The following KCNMA1 variants were observed in gnomAD, a reference collection of about 807,000 sequenced individuals.
KCNMA1 encodes Calcium-activated potassium channel subunit alpha-1.
A neutral mutation model predicts 140.0 loss-of-function variants in KCNMA1; 29 were observed. That is an observed-to-expected ratio of 0.21 (90% confidence interval 0.15 to 0.28). The LOEUF (loss-of-function observed/expected upper bound fraction) is 0.28. Among genes scored for constraint, KCNMA1 ranks in the 10% least tolerant of loss-of-function variants. KCNMA1 has a pLI of 1.00. For missense variants in KCNMA1, 880 were observed against 1,602.2 expected (o/e 0.55, Z 7.70); for synonymous variants, 612 against 611.9 (o/e 1.00, Z 0.00).
At chr10:76,947,207 C>T (rs191555162) in intron 22 of KCNMA1, among the ~76,000 whole-genome samples, 1 of 151,828 alleles carries the variant, frequency 6.6e-6, no homozygotes, top group African/African-American at 2.4e-5. Flanking sequence ...CATGGTGGTG[C>T]ATGCCTGTAA....
intron 2 of KCNMA1, among the ~76,000 whole-genome samples, chr10:77,258,534 T>C (rs2061301898): frequency 6.6e-6 from 1 of 152,210 alleles, no homozygotes; most frequent in Non-Finnish European, 1.5e-5. Context: ...TTTTGCAGGC[T>C]TTAGCCTTCC....
In KCNMA1 at chr10:77,416,260, G is replaced by A. The variant is rs74140151; in HGVS notation, c.379-12237C>T. On this transcript the variant is annotated intron_variant, in intron 1 of 27. Transcript: ENST00000286628. The stretch of plus-strand genomic sequence containing the variant: ...CCAGGAAAGGTAGGGTCTGAGGGAT[G>A]GAGGCATGGTCTCTCAGGGCTGGAG... Among the ~76,000 whole-genome samples, 21 of 152,226 alleles carry A rather than the reference G, an allele frequency of 1.4e-4. No homozygotes were observed. The East Asian group carries it at 4.1e-3, about 29-fold the overall frequency.
At chr10:77,569,601 A>G (rs1012802063) in intron 1 of KCNMA1, among the ~76,000 whole-genome samples, 1 of 152,078 alleles carries the variant, frequency 6.6e-6, no homozygotes, top group Admixed American at 6.5e-5. Flanking sequence ...TGGATTAAAG[A>G]CTTAAATGTT....
intron 1 of KCNMA1, among the ~76,000 whole-genome samples, chr10:77,558,346 C>T (rs950610226): frequency 6.6e-6 from 1 of 152,160 alleles, no homozygotes; most frequent in Admixed American, 6.5e-5. Flanking sequence ...CTCTGCACGC[C>T]AAGCTGGGTG....
Position 77,073,270 on chromosome 10 carries a change from G to T in KCNMA1, c.1594-18C>A. 6.2e-7 allele frequency: 1 copy of T among 1,613,514 alleles called. No homozygotes were observed. Among genetic ancestry groups the T allele is most frequent in the South Asian group, 1.1e-5 (1 of 91,022 alleles). On this transcript the variant is annotated intron_variant, in intron 13 of 27. Transcript: ENST00000286628. ...AGATGGGCCTGGGGAAAGAAAAGCAGGTATGAGACCTTGCTCTGTTAAATG... is the reference window on the plus strand; with the variant it reads ...AGATGGGCCTGGGGAAAGAAAAGCATGTATGAGACCTTGCTCTGTTAAATG...
chr10:77,027,157 C>T (rs1010875606), intron 16 of KCNMA1, among the ~76,000 whole-genome samples: 10 of 152,334 alleles, frequency 6.6e-5, no homozygotes, highest in Admixed American at 5.9e-4. Flanking sequence ...CTTGTTAGCA[C>T]GATGCTTCCC....
At chr10:76,925,443 A>C (rs934640760) in intron 23 of KCNMA1, among the ~76,000 whole-genome samples, 2 of 152,194 alleles carry the variant, frequency 1.3e-5, no homozygotes, top group Admixed American at 1.3e-4. Flanking sequence ...AGATATATAC[A>C]TTACAAGACA....
chr10:77,498,218 C>G (rs1404895757), intron 1 of KCNMA1, among the ~76,000 whole-genome samples: 1 of 152,236 alleles, frequency 6.6e-6, no homozygotes, highest in African/African-American at 2.4e-5. Context: ...CACATCAGAG[C>G]TGCCTACATC....
chr10:77,616,527 C>T (rs986504766), intron 1 of KCNMA1, among the ~76,000 whole-genome samples: 1 of 152,176 alleles, frequency 6.6e-6, no homozygotes, highest in Non-Finnish European at 1.5e-5. Context: ...ATTTGAAGAC[C>T]GGGTGCAGTG....
chr10:77,014,594 A>G (rs1389104786), intron 17 of KCNMA1, among the ~76,000 whole-genome samples: 1 of 151,774 alleles, frequency 6.6e-6, no homozygotes, highest in African/African-American at 2.4e-5. Flanking sequence ...TCCCAACCCC[A>G]GCCCCTGTTA....
intron 1 of KCNMA1, among the ~76,000 whole-genome samples, chr10:77,566,415 C>T (rs544288315): frequency 1.3e-5 from 2 of 152,332 alleles, no homozygotes; most frequent in Non-Finnish European, 2.9e-5. Context: ...TTACTGCTGG[C>T]ATTTCTGGAG....
intron 1 of KCNMA1, among the ~76,000 whole-genome samples, chr10:77,585,660 C>T (rs1274816777): frequency 6.6e-6 from 1 of 152,084 alleles, no homozygotes; most frequent in Non-Finnish European, 1.5e-5. Context: ...GATCAGATGC[C>T]ACCTCCCCTA....
chr10:77,547,677 G>T (rs772531827), intron 1 of KCNMA1, among the ~76,000 whole-genome samples: 5 of 152,292 alleles, frequency 3.3e-5, no homozygotes, highest in South Asian at 4.1e-4. Flanking sequence ...CTCTTAAAAA[G>T]GTTTTGAAGC....
At chr10:77,367,699 T>G (rs918924801) in intron 2 of KCNMA1, among the ~76,000 whole-genome samples, 1 of 152,220 alleles carries the variant, frequency 6.6e-6, no homozygotes, top group Non-Finnish European at 1.5e-5. Flanking sequence ...GCATTATCCT[T>G]TATGATCACA....
chr10:77,405,100 A>G (rs2096426741), intron 1 of KCNMA1, among the ~76,000 whole-genome samples: 1 of 152,202 alleles, frequency 6.6e-6, no homozygotes, highest in Non-Finnish European at 1.5e-5. Context: ...AGCCCCACAC[A>G]GGGGCCGAAA....
rs183599139 is a variant in KCNMA1 at position 76,892,261 on chromosome 10, C to T, written c.3148-542G>A. ...AGAAATCTCGATCAATTAAATATGC[C>T]GGATAAATTTATGAAAAGGTGAATG... On this transcript the variant is annotated intron_variant, in intron 25 of 27. Transcript: ENST00000286628. Among the ~76,000 whole-genome samples, 121 of 152,208 alleles carry T rather than the reference C, an allele frequency of 7.9e-4. 3 individuals are homozygous for T. Among genetic ancestry groups the T allele is most frequent in the African/African-American group, 2.8e-3 (117 of 41,530 alleles).
At chr10:77,309,092 C>T (rs2078596274) in intron 2 of KCNMA1, among the ~76,000 whole-genome samples, 1 of 152,214 alleles carries the variant, frequency 6.6e-6, no homozygotes, top group Non-Finnish European at 1.5e-5. Context: ...CACGTGCCGG[C>T]AGAGTGCATA....
rs757351197 is a variant in KCNMA1, at chr10:77,073,118, G to A, written c.1728C>T (p.Phe576=). Residue 576 remains phenylalanine, a synonymous_variant, in exon 14 of 28, where the codon TTC becomes TTT. Coordinates refer to ENST00000286628, the MANE Select transcript of KCNMA1 (RefSeq NM_001161352.2). ...TTACCTTTATGAATGACCTCATGGA[G>A]AAGAGGTTGGCAAGCATGGTGGAGA... ...QGLSTMLANL[F]SMRSFIKIEE... is the part of the protein sequence containing the mutation. 1.9e-6 allele frequency: 3 copies of A among 1,613,960 alleles called. No individual in the cohort carries two copies. The highest frequency in any genetic ancestry group is 2.5e-6 in the Non-Finnish European group (3 of 1,179,934).
intron 19 of KCNMA1, among the ~76,000 whole-genome samples, chr10:77,000,063 C>T (rs562898572): frequency 9.2e-5 from 14 of 152,288 alleles, no homozygotes; most frequent in Non-Finnish European, 1.6e-4. Flanking sequence ...AGTTCATTTT[C>T]CATGGGAATA....
Sources: gnomAD v4.1 joint callset for allele counts (sites outside exome capture counted in the v4.1 genomes callset) on GRCh38, gnomAD v4.1.1 for gene constraint, MANE v1.5 for transcripts, NCBI Gene and HGNC (gene_info 2026-07-23, HGNC 2026-07-21) for gene names.